The following FAM135B variants were observed in gnomAD, a reference collection of about 807,000 sequenced individuals.
FAM135B encodes the protein family with sequence similarity 135 member B, also known as protein FAM135B.
A neutral mutation model predicts 127.7 loss-of-function variants in FAM135B; 43 were observed. The ratio of observed to expected loss-of-function variants is 0.34; its 90% CI spans 0.26 to 0.43. The LOEUF (loss-of-function observed/expected upper bound fraction) is 0.43, where lower values mean the gene tolerates loss of function less well. Ranked by LOEUF, FAM135B falls within the 20% of genes least tolerant of loss-of-function variation. The pLI is 1.00. For missense variants in FAM135B, 1,558 were observed against 1,725.6 expected (o/e 0.90, Z 1.72); for synonymous variants, 670 against 665.1 (o/e 1.01, Z -0.11).
chr8:138,365,757 A>C (rs989764941), intron 2 of FAM135B, among the ~76,000 whole-genome samples: 7 of 152,158 alleles, frequency 4.6e-5, no homozygotes, highest in African/African-American at 1.7e-4. Context: ...AGGCTTAGTG[A>C]AGTTAAAACT....
At chr8:138,136,558 T>G (rs1816677736) in intron 19 of FAM135B, among the ~76,000 whole-genome samples, 1 of 152,162 alleles carries the variant, frequency 6.6e-6, no homozygotes, top group Non-Finnish European at 1.5e-5. Flanking sequence ...GAGTATAAAA[T>G]TGTTTCAAAA....
intron 2 of FAM135B, among the ~76,000 whole-genome samples, chr8:138,342,013 C>T (rs924948619): frequency 7.2e-5 from 11 of 152,278 alleles, no homozygotes; most frequent in African/African-American, 1.7e-4. Flanking sequence ...CCAGCAGATA[C>T]GAAAAGCACT....
chr8:138,135,321 T>C (rs1816556782), intron 19 of FAM135B, among the ~76,000 whole-genome samples: 1 of 152,210 alleles, frequency 6.6e-6, no homozygotes, highest in South Asian at 2.1e-4. Context: ...TGGCTGTCTA[T>C]TGACCACAGC....
chr8:138,453,739 G>T (rs1836624282), intron 1 of FAM135B, among the ~76,000 whole-genome samples: 1 of 152,150 alleles, frequency 6.6e-6, no homozygotes, highest in Non-Finnish European at 1.5e-5. Context: ...AGGTCTTGGA[G>T]CCAGGCTGCC....
At chr8:138,375,711 T>A (rs1831427786) in intron 1 of FAM135B, among the ~76,000 whole-genome samples, 1 of 152,204 alleles carries the variant, frequency 6.6e-6, no homozygotes, top group Non-Finnish European at 1.5e-5. Flanking sequence ...TCTTTTGGCA[T>A]GTGTGTTGGT....
intron 1 of FAM135B, among the ~76,000 whole-genome samples, chr8:138,496,410 T>TG (rs1319872178): frequency 6.6e-6 from 1 of 152,184 alleles, no homozygotes; most frequent in Non-Finnish European, 1.5e-5. Context: ...CTGGGACTCC[T>TG]GGGGGGAACC....
intron 5 of FAM135B, among the ~76,000 whole-genome samples, chr8:138,256,084 AT>A (rs1435372860): frequency 6.6e-6 from 1 of 152,176 alleles, no homozygotes; most frequent in Non-Finnish European, 1.5e-5. Context: ...TGGACTTTTC[AT>A]ACCTAAAAAA....
chr8:138,135,113 G>A (rs746573234), intron 19 of FAM135B, among the ~76,000 whole-genome samples: 20 of 152,204 alleles, frequency 1.3e-4, no homozygotes, highest in Non-Finnish European at 2.1e-4. Context: ...ATATGTAAAT[G>A]ATGGGTGTGG....
At chr8:138,195,875 T>C (rs556710940) in intron 8 of FAM135B, among the ~76,000 whole-genome samples, 2 of 152,340 alleles carry the variant, frequency 1.3e-5, no homozygotes, top group Admixed American at 6.5e-5. Flanking sequence ...AACTTTCCTC[T>C]GGTTCCATGA....
At chr8:138,134,297 G>T (rs917301759) in intron 19 of FAM135B, among the ~76,000 whole-genome samples, 1 of 152,096 alleles carries the variant, frequency 6.6e-6, no homozygotes, top group Non-Finnish European at 1.5e-5. Context: ...AATAAATGTT[G>T]CCAATAAATG....
At chr8:138,492,249 G>C (rs1335737107) in intron 1 of FAM135B, among the ~76,000 whole-genome samples, 1 of 151,950 alleles carries the variant, frequency 6.6e-6, no homozygotes, top group Non-Finnish European at 1.5e-5. Flanking sequence ...CCTTCCTCTT[G>C]ACCTATCAAT....
At chr8:138,180,824 G>A (rs1052664000) in intron 9 of FAM135B, among the ~76,000 whole-genome samples, 1 of 152,176 alleles carries the variant, frequency 6.6e-6, no homozygotes, top group Non-Finnish European at 1.5e-5. Context: ...CCAAAATGAG[G>A]GAATCGCCTG....
chr8:138,226,863 A>G (rs1819498296), intron 7 of FAM135B, among the ~76,000 whole-genome samples: 1 of 151,296 alleles, frequency 6.6e-6, no homozygotes, highest in East Asian at 1.9e-4. Context: ...CACCGAGCTA[A>G]TTTTTATATT....
intron 2 of FAM135B, among the ~76,000 whole-genome samples, chr8:138,357,463 T>A (rs1830163959): frequency 6.6e-6 from 1 of 152,084 alleles, no homozygotes; most frequent in African/African-American, 2.4e-5. Context: ...AAAATACATG[T>A]GAATATAAAA....
Position 138,177,417 on chromosome 8 carries a change from G to A in FAM135B, c.1033C>T (p.Arg345Ter), listed in dbSNP as rs2130966642. Residue 345 changes from arginine (R) to a stop codon, truncating the protein, a stop_gained, in exon 11 of 20, where the codon CGA becomes TGA. Transcript: ENST00000395297. LOFTEE classifies it high-confidence loss of function. ...LTQEHHTLRV[R>*]RFSEAFFYME... is the part of the protein sequence containing the mutation. ...TAAAAGAAGGCCTCAGAAAACCTTCGGACCTGCAGAATAAAACAATGTAAA... is the reference window on the plus strand; with the variant it reads ...TAAAAGAAGGCCTCAGAAAACCTTCAGACCTGCAGAATAAAACAATGTAAA... 4 of 1,612,524 alleles carry A rather than the reference G, an allele frequency of 2.5e-6. No individual in the cohort carries two copies. Among genetic ancestry groups the A allele is most frequent in the Non-Finnish European group, 3.4e-6 (4 of 1,179,144 alleles).
At chr8:138,476,645 T>TA (rs919994252) in intron 1 of FAM135B, among the ~76,000 whole-genome samples, 14 of 152,074 alleles carry the variant, frequency 9.2e-5, no homozygotes, top group African/African-American at 3.4e-4. Context: ...AATTTTTAAA[T>TA]AAAAAATATA....
At chr8:138,204,082 A>G (rs13267576) in intron 7 of FAM135B, among the ~76,000 whole-genome samples, 21,584 of 152,118 alleles carry the variant, frequency 0.14, 1,554 homozygotes, top group African/African-American at 0.17. Context: ...CTCACCTCCT[A>G]CTATGCAGCC....
intron 3 of FAM135B, among the ~76,000 whole-genome samples, chr8:138,309,461 G>A (rs985603535): frequency 6.6e-6 from 1 of 152,230 alleles, no homozygotes; most frequent in Non-Finnish European, 1.5e-5. Flanking sequence ...AGAGGCAAGG[G>A]AGAAGCCAGT....
At chr8:138,395,005 C>T (rs1352557515) in intron 1 of FAM135B, among the ~76,000 whole-genome samples, 1 of 152,136 alleles carries the variant, frequency 6.6e-6, no homozygotes, top group Non-Finnish European at 1.5e-5. Context: ...CTCTTGACTT[C>T]CATTTTTCTC....
Sources: allele counts gnomAD v4.1 joint callset (sites outside exome capture counted in the v4.1 genomes callset), GRCh38; gene constraint gnomAD v4.1.1; transcripts MANE v1.5; gene names NCBI Gene and HGNC (gene_info 2026-07-23, HGNC 2026-07-21).